The following ESPNL variants were observed in gnomAD, a reference collection of about 807,000 sequenced individuals.
The protein encoded by ESPNL is espin like.
In ESPNL, 49 loss-of-function variants were observed where a neutral mutation model predicts 46.8. That is an observed-to-expected ratio of 1.05 (90% CI 0.83 to 1.33). The LOEUF (loss-of-function observed/expected upper bound fraction) is 1.33. Among genes scored for constraint, ESPNL ranks in the 40% most tolerant of loss-of-function variants. The pLI, the probability that ESPNL is intolerant of heterozygous loss-of-function variation, is 0.00. For synonymous variants in ESPNL, 664 were observed against 662.1 expected (o/e 1.00, Z -0.04); for missense variants, 1,540 against 1,436.6 (o/e 1.07, Z -1.16).
chr2:238,107,750 C>A (rs1344576300), intron 3 of ESPNL, 41 bp from the exon 4 acceptor site: 1 of 1,525,758 alleles, frequency 6.6e-7, no homozygotes, highest in East Asian at 2.4e-5. Flanking sequence ...TGTGCCTCCT[C>A]CCTGGGAGGA....
chr2:238,103,849 G>A (rs1691538182), intron 2 of ESPNL, among the ~76,000 whole-genome samples: 1 of 152,186 alleles, frequency 6.6e-6, no homozygotes, highest in African/African-American at 2.4e-5. Context: ...AAGGTCCTGT[G>A]TCCCCCTTGC....
At chr2:238,128,988 C>T (rs1282903464) in intron 8 of ESPNL, 84 bp downstream of exon 8, 6 of 1,475,914 alleles carry the variant, frequency 4.1e-6, no homozygotes, top group Middle Eastern at 4.9e-4. Context: ...GCGCCCGAAG[C>T]CCAGAACTGA....
At position 238,104,834 on chromosome 2, in the gene ESPNL, G is replaced by T; in HGVS notation, c.664G>T (p.Val222Phe). Residue 222 changes from valine to phenylalanine, a missense_variant, in exon 3 of 9, where the codon GTC becomes TTC. Val to Phe is a conservative substitution (Grantham distance 50). Transcript: ENST00000343063. ...CGCCCGTGGCCACTACTCCCTCGTC[G>T]TCTGGCTGGTAAGTGGGTGCCAGAG... is the stretch of plus-strand genomic sequence containing the variant. ...AAARGHYSLV[V>F]WLVTFTDIGL... is the part of the protein sequence containing the mutation. 1 of 1,511,614 alleles carries T rather than the reference G, an allele frequency of 6.6e-7. No individual in the cohort carries two copies. 93.6% of individuals were successfully genotyped at this position (1,511,614 alleles called of 1,614,324 possible). A position where few individuals can be genotyped will look rare whatever the true frequency, so the allele number is the denominator to read the frequency against.
intron 6 of ESPNL, among the ~76,000 whole-genome samples, chr2:238,126,420 GTGTT>G (rs1692117697): frequency 6.6e-6 from 1 of 150,976 alleles, no homozygotes; most frequent in Non-Finnish European, 1.5e-5. Context: ...ATGTGTGTTT[GTGTT>G]TGTGTGTCTG....
intron 5 of ESPNL, among the ~76,000 whole-genome samples, chr2:238,118,319 G>A (rs1691865191): frequency 6.9e-6 from 1 of 144,958 alleles, no homozygotes; most frequent in African/African-American, 2.6e-5. Flanking sequence ...GATGGAGGAG[G>A]GTGGGTGGAG....
chr2:238,122,428 T>C (rs772321336), intron 5 of ESPNL, among the ~76,000 whole-genome samples: 1 of 152,206 alleles, frequency 6.6e-6, no homozygotes, highest in Non-Finnish European at 1.5e-5. Context: ...CCAAGAACTC[T>C]GATTTACAGG....
intron 5 of ESPNL, among the ~76,000 whole-genome samples, chr2:238,118,256 T>TGGA (rs1166017453): frequency 2.6e-5 from 2 of 77,524 alleles, no homozygotes; most frequent in African/African-American, 6.2e-5. Context: ...GAGGAATGGA[T>TGGA]GGAGGAATGG....
chr2:238,128,668 T>C, intron 7 of ESPNL, 39 bp from the exon 8 acceptor site: 2 of 1,547,440 alleles, frequency 1.3e-6, no homozygotes, highest in Non-Finnish European at 1.8e-6. Context: ...AGGGCCTGGG[T>C]CCCCTTCGGG....
In ESPNL at chr2:238,104,674, A is replaced by G; in HGVS notation, c.504A>G (p.Thr168=). ...CCTGCAGCAGCGTGAACCGGCGGAC[A>G]CGCAGTGGCGCCTCCCCACTCTACC... ...AAHGSSVNRR[T]RSGASPLYLA... is the part of the protein sequence containing the mutation. Residue 168 remains threonine, a synonymous_variant, in exon 3 of 9, where the codon ACA becomes ACG. Transcript: ENST00000343063. 6.3e-7 allele frequency: 1 copy of G among 1,597,742 alleles called. No individual in the cohort carries two copies. The highest frequency in any genetic ancestry group is 8.5e-7 in the Non-Finnish European group (1 of 1,172,198).
At chr2:238,125,465 A>G (rs1344853021) in intron 6 of ESPNL, 81 bp downstream of exon 6, 1 of 791,578 alleles carries the variant, frequency 1.3e-6, no homozygotes, top group East Asian at 3.3e-5. Flanking sequence ...GAGGTCCTGG[A>G]CCGGTGGGCA....
At chr2:238,128,666 G>A (rs1222294577) in intron 7 of ESPNL, 41 bp from the exon 8 acceptor site, 2 of 1,544,090 alleles carry the variant, frequency 1.3e-6, no homozygotes, top group South Asian at 1.2e-5. Context: ...TCAGGGCCTG[G>A]GTCCCCTTCG....
intron 2 of ESPNL, among the ~76,000 whole-genome samples, chr2:238,102,672 G>A (rs954017427): frequency 5.3e-5 from 8 of 152,278 alleles, no homozygotes; most frequent in Admixed American, 3.3e-4. Flanking sequence ...TGGGCAACGA[G>A]GAAGGACCAG....
Position 238,132,641 on chromosome 2 carries a change from A to T in ESPNL, c.*909A>T, listed in dbSNP as rs111672174. The T allele has an allele frequency of 4.2e-3, 645 of 152,910 alleles. 4 individuals carry two copies. The highest frequency in any genetic ancestry group is 0.013 in the Middle Eastern group (4 of 298). 9.5% of individuals were successfully genotyped at this position (152,910 alleles called of 1,614,324 possible). ...GGGCCTGGGTACTGGAGGGAGGGATACAGGAAGGGAGATGGATTCCGTCCT... is the reference window on the plus strand; with the variant it reads ...GGGCCTGGGTACTGGAGGGAGGGATTCAGGAAGGGAGATGGATTCCGTCCT... On this transcript the variant is annotated 3_prime_UTR_variant, in exon 9 of 9. Coordinates refer to ENST00000343063, the MANE Select transcript of ESPNL (RefSeq NM_194312.4).
chr2:238,130,361 G>A lies in ESPNL; in HGVS notation c.1647G>A (p.Thr549=), dbSNP rs777087445. The change falls in exon 9 of 9, where the codon ACG becomes ACA. Residue 549 remains threonine, a synonymous_variant. Transcript: ENST00000343063. ...TGCCCGAGCCCCTGGTCAGCATCAC[G>A]GTCAACAGCCACTTCCTGCCCCGGG... is the stretch of plus-strand genomic sequence containing the variant. ...ALLPEPLVSI[T]VNSHFLPRAP... is the part of the protein sequence containing the mutation. 32 of 1,610,356 alleles carry A rather than the reference G, an allele frequency of 2.0e-5. No homozygotes were observed. Among genetic ancestry groups the A allele is most frequent in the East Asian group, 6.7e-5 (3 of 44,814 alleles).
intron 3 of ESPNL, among the ~76,000 whole-genome samples, chr2:238,105,188 G>C (rs1691568854): frequency 6.6e-6 from 1 of 152,126 alleles, no homozygotes; most frequent in African/African-American, 2.4e-5. Context: ...GCAGTGCCCA[G>C]TTTGGGCCAC....
At chr2:238,118,174 A>C (rs1271570601) in intron 5 of ESPNL, among the ~76,000 whole-genome samples, 12 of 130,552 alleles carry the variant, frequency 9.2e-5, no homozygotes, top group Non-Finnish European at 1.9e-4. Flanking sequence ...GAATGGATGG[A>C]GGAATGGATG....
chr2:238,130,364 C>T lies in ESPNL; in HGVS notation c.1650C>T (p.Val550=), dbSNP rs1377737939. 1.2e-6 allele frequency: 2 copies of T among 1,610,416 alleles called. No homozygotes were observed. Among genetic ancestry groups the T allele is most frequent in the Non-Finnish European group, 1.7e-6 (2 of 1,179,102 alleles). The part of the protein sequence containing the change: ...LLPEPLVSIT[V]NSHFLPRAPG... Reference sequence around the variant, plus strand: ...CCGAGCCCCTGGTCAGCATCACGGTCAACAGCCACTTCCTGCCCCGGGCGC... The same window carrying T: ...CCGAGCCCCTGGTCAGCATCACGGTTAACAGCCACTTCCTGCCCCGGGCGC... The change falls in exon 9 of 9, where the codon GTC becomes GTT. Residue 550 remains valine (V), a synonymous_variant. Coordinates refer to ENST00000343063, the MANE Select transcript of ESPNL (RefSeq NM_194312.4).
chr2:238,107,620 G>A (rs374367308), intron 3 of ESPNL, among the ~76,000 whole-genome samples, 171 bp from the exon 4 acceptor site: 4 of 152,294 alleles, frequency 2.6e-5, no homozygotes, highest in African/African-American at 9.6e-5. Context: ...GCTGCCCCAG[G>A]GTGACGGGGA....
chr2:238,109,096 G>A (rs1054316063), intron 4 of ESPNL, among the ~76,000 whole-genome samples: 2 of 152,190 alleles, frequency 1.3e-5, no homozygotes, highest in Non-Finnish European at 2.9e-5. Context: ...GGGGAGGGGT[G>A]ACCCGCAGGC....
Sources: allele counts gnomAD v4.1 joint callset (sites outside exome capture counted in the v4.1 genomes callset), GRCh38; gene constraint gnomAD v4.1.1; transcripts MANE v1.5; gene names NCBI Gene and HGNC (gene_info 2026-07-23, HGNC 2026-07-21).